The following DOK6 variants were observed in gnomAD, a reference collection of about 807,000 sequenced individuals.
DOK6 encodes the protein docking protein 6, also known as downstream of tyrosine kinase 6.
Under a neutral mutation model 44.0 loss-of-function variants are expected in DOK6, and 22 were observed. The observed-to-expected ratio is 0.50, with a 90% CI of 0.36 to 0.71. The LOEUF (loss-of-function observed/expected upper bound fraction) is 0.71. Among genes scored for constraint, DOK6 ranks in the 30% least tolerant of loss-of-function variants. The probability of loss-of-function intolerance (pLI) is 0.00; values close to 1 mark genes in which losing one functional copy is unlikely to be tolerated. For synonymous variants in DOK6, 166 were observed against 145.5 expected, an observed-to-expected ratio of 1.14 and a Z score of -1.01; for missense variants, 340 against 416.4, an observed-to-expected ratio of 0.82 and a Z score of 1.60.
chr18:69,713,309 G>C (rs913237749), intron 5 of DOK6, among the ~76,000 whole-genome samples: 3 of 152,304 alleles, frequency 2.0e-5, no homozygotes, highest in Admixed American at 2.0e-4. Flanking sequence ...GAAGTATGCA[G>C]GTAGCTAAAA....
chr18:69,508,212 T>C (rs148301502), intron 1 of DOK6, among the ~76,000 whole-genome samples: 22 of 152,298 alleles, frequency 1.4e-4, no homozygotes, highest in African/African-American at 4.8e-4. Flanking sequence ...GAAATTCCAC[T>C]TGGTTATGAT....
chr18:69,566,197 G>T (rs185604770), intron 2 of DOK6, among the ~76,000 whole-genome samples: 215 of 152,030 alleles, frequency 1.4e-3, no homozygotes, highest in African/African-American at 4.7e-3. Context: ...GAATGCAGTG[G>T]CGCGATCTCG....
chr18:69,443,544 G>A (rs1427678385), intron 1 of DOK6, among the ~76,000 whole-genome samples: 1 of 152,118 alleles, frequency 6.6e-6, no homozygotes, highest in African/African-American at 2.4e-5. Flanking sequence ...TAAGAGAGTA[G>A]CAAACTGTCA....
chr18:69,609,489 A>ATAAATAAATAAATAAG (rs1446007249), intron 3 of DOK6, among the ~76,000 whole-genome samples: 1 of 140,740 alleles, frequency 7.1e-6, no homozygotes, highest in African/African-American at 3.2e-5. Flanking sequence ...ATTACAAGAA[A>ATAAATAAATAAATAAG]TAAATAAATA....
intron 1 of DOK6, among the ~76,000 whole-genome samples, chr18:69,555,134 T>A (rs1214998752): frequency 2.0e-5 from 3 of 152,184 alleles, no homozygotes; most frequent in Non-Finnish European, 4.4e-5. Flanking sequence ...TTTCCGCTTA[T>A]TTTATCTTAC....
At chr18:69,817,217 T>C (rs562677393) in intron 7 of DOK6, among the ~76,000 whole-genome samples, 47 of 152,338 alleles carry the variant, frequency 3.1e-4, no homozygotes, top group Non-Finnish European at 6.3e-4. Context: ...CGTCTTGAAC[T>C]GACTCTTCAT....
At chr18:69,675,918 GTTTTGTTTTTTGTT>G (rs375347460) in intron 3 of DOK6, among the ~76,000 whole-genome samples, 9 of 152,060 alleles carry the variant, frequency 5.9e-5, no homozygotes, top group Admixed American at 5.9e-4. Context: ...AAAGAAAAAA[GTTTTGTTTTTTGTT>G]TTTTGTTTTT....
At chr18:69,626,161 A>G (rs1984552452) in intron 3 of DOK6, among the ~76,000 whole-genome samples, 1 of 152,222 alleles carries the variant, frequency 6.6e-6, no homozygotes, top group South Asian at 2.1e-4. Context: ...AAAGGAAAAA[A>G]TAATTATAGT....
intron 3 of DOK6, chr18:69,659,893 T>C (rs1418573427): frequency 7.2e-6 from 1 of 138,754 alleles, no homozygotes; most frequent in South Asian, 2.4e-4. Context: ...TTTATATATA[T>C]AACATATATG....
chr18:69,666,674 T>C (rs1329093885), intron 3 of DOK6, among the ~76,000 whole-genome samples: 3 of 152,174 alleles, frequency 2.0e-5, no homozygotes, highest in South Asian at 2.1e-4. Flanking sequence ...AACATGTTCA[T>C]TGAATGGAAT....
At chr18:69,547,393 C>A (rs1226938480) in intron 1 of DOK6, among the ~76,000 whole-genome samples, 1 of 151,274 alleles carries the variant, frequency 6.6e-6, no homozygotes, top group Non-Finnish European at 1.5e-5. Flanking sequence ...GCCACTGCAC[C>A]CTGCCGGGCA....
At chr18:69,613,850 T>G (rs1984220661) in intron 3 of DOK6, among the ~76,000 whole-genome samples, 1 of 151,646 alleles carries the variant, frequency 6.6e-6, no homozygotes, top group South Asian at 2.1e-4. Flanking sequence ...AAATATGTAA[T>G]GGAATATGTA....
intron 1 of DOK6, among the ~76,000 whole-genome samples, chr18:69,435,231 A>C (rs1327630886): frequency 6.6e-6 from 1 of 152,190 alleles, no homozygotes; most frequent in South Asian, 2.1e-4. Flanking sequence ...CCAATGAAAT[A>C]GTATTTGCAC....
chr18:69,698,652 C>CA, intron 5 of DOK6, 59 bp downstream of exon 5: 1 of 1,530,906 alleles, frequency 6.5e-7, no homozygotes, highest in Non-Finnish European at 8.8e-7. Context: ...GTCTGTATAA[C>CA]AGAGTCCTGA....
At chr18:69,689,544 A>T (rs1986220855) in intron 4 of DOK6, among the ~76,000 whole-genome samples, 1 of 152,186 alleles carries the variant, frequency 6.6e-6, no homozygotes. Context: ...CTCGCTCTAT[A>T]TGTATTTTGA....
intron 7 of DOK6, among the ~76,000 whole-genome samples, chr18:69,838,496 T>C (rs1320255088): frequency 6.6e-6 from 1 of 152,130 alleles, no homozygotes; most frequent in African/African-American, 2.4e-5. Flanking sequence ...CTGACCTCCC[T>C]AGTTACCAAT....
Position 69,747,970 on chromosome 18 carries a change from AC to A in DOK6, c.738+8869del, listed in dbSNP as rs200875466. 5.2e-3 allele frequency among the ~76,000 whole-genome samples: 798 copies of A among 152,266 alleles called. 4 individuals carry two copies. The highest frequency in any genetic ancestry group is 0.017 in the African/African-American group (708 of 41,540). On this transcript the variant is annotated intron_variant, in intron 6 of 7. Coordinates refer to ENST00000382713, the MANE Select transcript of DOK6 (RefSeq NM_152721.6). ...ATATGTTATACTGGTCAAAACAATC[AC>A]CAAGAAGCCCAGATTAAAGGGAGAG...
At chr18:69,473,721 T>A (rs1980181355) in intron 1 of DOK6, among the ~76,000 whole-genome samples, 1 of 152,216 alleles carries the variant, frequency 6.6e-6, no homozygotes, top group Non-Finnish European at 1.5e-5. Context: ...AAAGAGACTC[T>A]AAACCACTAT....
At chr18:69,789,942 C>T (rs904775285) in intron 7 of DOK6, among the ~76,000 whole-genome samples, 2 of 152,226 alleles carry the variant, frequency 1.3e-5, no homozygotes, top group East Asian at 3.9e-4. Context: ...TTCTGAAACA[C>T]AAAGACACTT....
Sources: gnomAD v4.1 joint callset for allele counts (sites outside exome capture counted in the v4.1 genomes callset) on GRCh38, gnomAD v4.1.1 for gene constraint, MANE v1.5 for transcripts, NCBI Gene and HGNC (gene_info 2026-07-23, HGNC 2026-07-21) for gene names.